Variants in ZNF717 observed in about 807,000 individuals in gnomAD.
ZNF717 encodes zinc finger protein 717, also known as krueppel-like factor X17.
In ZNF717, 9 loss-of-function variants were observed where a neutral mutation model predicts 13.8. The observed-to-expected ratio is 0.65, with a 90% CI of 0.39 to 1.14. ZNF717 has a LOEUF of 1.14. Among genes scored for constraint, ZNF717 ranks in the 50% most tolerant of loss-of-function variants. The probability of loss-of-function intolerance (pLI) is 0.01; values close to 1 mark genes in which losing one functional copy is unlikely to be tolerated. For synonymous variants in ZNF717, 327 were observed against 364.1 expected (o/e 0.90, Z 1.16); for missense variants, 1,040 against 1,080.7 (o/e 0.96, Z 0.53).
At chr3:75,764,860 C>T (rs970438727) in intron 2 of ZNF717, among the ~76,000 whole-genome samples, 3 of 151,868 alleles carry the variant, frequency 2.0e-5, no homozygotes, top group African/African-American at 7.3e-5. Context: ...CCAACTTCTA[C>T]AGAGAGACAG....
At chr3:75,764,995 ATATATATATATATATATATAT>A (rs1943330135) in intron 2 of ZNF717, among the ~76,000 whole-genome samples, 2 of 25,796 alleles carry the variant, frequency 7.8e-5, no homozygotes, top group Non-Finnish European at 1.6e-4. Context: ...AAAAGGATAT[ATATATATATATATATATATAT>A]ATATATATAT....
intron 4 of ZNF717, among the ~76,000 whole-genome samples, chr3:75,719,970 A>AATAAATAAT (rs748007104): frequency 2.0e-3 from 291 of 146,176 alleles, no homozygotes; most frequent in African/African-American, 7.1e-3. Flanking sequence ...AAATAATAAT[A>AATAAATAAT]AATAATAATA....
At chr3:75,696,215 A>T (rs76186776) in intron 6 of ZNF717, among the ~76,000 whole-genome samples, 1 of 152,294 alleles carries the variant, frequency 6.6e-6, no homozygotes, top group Non-Finnish European at 1.5e-5. Flanking sequence ...AACCTACAGG[A>T]AATTAATTCT....
rs144186754 is a variant in ZNF717, at chr3:75,773,732, C to T, written c.57+9574G>A. Among the ~76,000 whole-genome samples, 1,090 of 152,020 alleles carry T rather than the reference C, an allele frequency of 7.2e-3. 12 individuals carry two copies. Among genetic ancestry groups the T allele is most frequent in the African/African-American group, 0.025 (1,023 of 41,426 alleles). On this transcript the variant is annotated intron_variant, in intron 2 of 4. Transcript: ENST00000652011. ...CAGAGCTATAATGTGGTGAGGAGGG[C>T]GACAGAGCAAGACGCTATCTTTAAC... is the stretch of plus-strand genomic sequence containing the variant.
At chr3:75,753,147 G>T (rs75744404) in intron 2 of ZNF717, among the ~76,000 whole-genome samples, 1 of 150,622 alleles carries the variant, frequency 6.6e-6, no homozygotes, top group African/African-American at 2.5e-5. Flanking sequence ...GAATACTGCT[G>T]CTGGGTTTTG....
At chr3:75,733,762 G>C (rs1229444078), downstream of ZNF717, among the ~76,000 whole-genome samples, 7 of 94,290 alleles carry the variant, frequency 7.4e-5, no homozygotes, top group Non-Finnish European at 1.3e-4. Flanking sequence ...CTGGGTGACA[G>C]AGCAAGACTC....
At chr3:75,745,835 C>A (rs1342277005) in intron 2 of ZNF717, among the ~76,000 whole-genome samples, 1 of 150,678 alleles carries the variant, frequency 6.6e-6, no homozygotes, top group Non-Finnish European at 1.5e-5. Flanking sequence ...ACCACATTTT[C>A]TTTCTTTTTT....
chr3:75,761,730 T>A (rs1038690764), intron 2 of ZNF717, among the ~76,000 whole-genome samples: 1 of 152,202 alleles, frequency 6.6e-6, no homozygotes, highest in African/African-American at 2.4e-5. Context: ...CAATGAACAA[T>A]CTGCAAATAA....
rs80015992 is a variant in ZNF717, at chr3:75,735,937, G to A, written c.*941C>T. 1 of 152,114 alleles carries A rather than the reference G, an allele frequency of 6.6e-6. No individual in the cohort carries two copies. Among genetic ancestry groups the A allele is most frequent in the Non-Finnish European group, 1.5e-5 (1 of 68,046 alleles). The allele number at this position is 152,114 out of a possible 1,614,324, so 9.4% of individuals were successfully genotyped here. On this transcript the variant is annotated 3_prime_UTR_variant, in exon 5 of 5. Transcript: ENST00000652011. Reference sequence around the variant, plus strand: ...TAACAAATTAAAGATTTGTGGCCACGAAGTGCTCAGCAAGCCTGACCAGCA... The same window carrying A: ...TAACAAATTAAAGATTTGTGGCCACAAAGTGCTCAGCAAGCCTGACCAGCA...
chr3:75,738,935 C>A lies in ZNF717; in HGVS notation c.688G>T (p.Val230Phe), dbSNP rs1939939819. 8.4e-6 allele frequency: 13 copies of A among 1,551,344 alleles called. No individual in the cohort carries two copies. Among genetic ancestry groups the A allele is most frequent in the Non-Finnish European group, 1.0e-5 (12 of 1,146,942 alleles). The change falls in exon 5 of 5, where the codon GTT becomes TTT. Residue 230 changes from valine to phenylalanine, a missense_variant. Val to Phe is a conservative substitution (Grantham distance 50). This residue lies in a region of ZNF717 where 873 missense variants were observed against 832.8 expected (regional missense o/e 1.05). Coordinates refer to ENST00000652011, the MANE Select transcript of ZNF717 (RefSeq NM_001290208.3). ...TEAMFFIHKR[V>F]HIVQTFGKYN... Reference sequence around the variant, plus strand: ...TTACCAAAGGTCTGTACTATATGAACCCTCTTATGTATAAAGAACATTGCC... The same window carrying A: ...TTACCAAAGGTCTGTACTATATGAAACCTCTTATGTATAAAGAACATTGCC...
At chr3:75,709,018 T>TG (rs1245460691), downstream of ZNF717, among the ~76,000 whole-genome samples, 3 of 151,522 alleles carry the variant, frequency 2.0e-5, no homozygotes, top group Admixed American at 2.0e-4. Flanking sequence ...TTTTTTTTTT[T>TG]TAGATGGATT....
chr3:75,757,245 A>T lies in ZNF717; in HGVS notation c.58-15509T>A, dbSNP rs75937513. Among the ~76,000 whole-genome samples, 425 of 152,324 alleles carry T rather than the reference A, an allele frequency of 2.8e-3. 16 individuals carry two copies. The East Asian group carries it at 0.072, about 26-fold the overall frequency. On this transcript the variant is annotated intron_variant, in intron 2 of 4. Transcript: ENST00000652011. The stretch of plus-strand genomic sequence containing the variant: ...CCATCTAGGATATTCCCAGCTAGGG[A>T]GGAGTTGATGCCTGGCTTTAAGGCT...
chr3:75,780,856 G>T (rs905187443), intron 2 of ZNF717, among the ~76,000 whole-genome samples: 1 of 152,364 alleles, frequency 6.6e-6, no homozygotes. Flanking sequence ...ATAAATCCTA[G>T]AACAAACCAG....
chr3:75,766,071 C>T (rs1036782207), intron 2 of ZNF717, among the ~76,000 whole-genome samples: 9 of 152,126 alleles, frequency 5.9e-5, no homozygotes, highest in African/African-American at 2.2e-4. Flanking sequence ...TGCACCATTG[C>T]ACTACAGTCT....
intron 6 of ZNF717, among the ~76,000 whole-genome samples, chr3:75,695,587 C>T (rs1478178597): frequency 2.0e-5 from 3 of 152,290 alleles, no homozygotes; most frequent in African/African-American, 7.2e-5. Context: ...AGTAACAAGT[C>T]TAAAGACATT....
chr3:75,762,387 G>A (rs1488121676), intron 2 of ZNF717, among the ~76,000 whole-genome samples: 2 of 149,106 alleles, frequency 1.3e-5, no homozygotes, highest in African/African-American at 2.5e-5. Context: ...GTTGCAGTGA[G>A]CTGAGACAGT....
intron 2 of ZNF717, among the ~76,000 whole-genome samples, chr3:75,775,257 TCC>T (rs1350671631): frequency 6.6e-6 from 1 of 152,152 alleles, no homozygotes; most frequent in African/African-American, 2.4e-5. Context: ...AGCCACCACA[TCC>T]ACCCTAATTA....
chr3:75,725,068 G>A (rs76624421), downstream of ZNF717, among the ~76,000 whole-genome samples: 5 of 43,798 alleles, frequency 1.1e-4, no homozygotes, highest in South Asian at 6.1e-4. Flanking sequence ...TGCACTCCTC[G>A]ACTCAGTGAA....
intron 2 of ZNF717, among the ~76,000 whole-genome samples, chr3:75,765,475 A>C (rs1173421803): frequency 6.6e-6 from 1 of 152,242 alleles, no homozygotes; most frequent in Admixed American, 6.5e-5. Context: ...CAATGGCATG[A>C]TCACAGCTCA....
Sources: gnomAD v4.1 joint callset for allele counts (sites outside exome capture counted in the v4.1 genomes callset) on GRCh38, gnomAD v4.1.1 for gene constraint, gnomAD v4.1.1 regional missense constraint, MANE v1.5 for transcripts, NCBI Gene and HGNC (gene_info 2026-07-23, HGNC 2026-07-21) for gene names.